ARHGAP29: variants seen among roughly 807,000 people sequenced by gnomAD.
The protein encoded by ARHGAP29 is rho GTPase-activating protein 29.
ARHGAP29 carries 43 observed loss-of-function variants against 122.6 expected under a neutral mutation model. That is an observed-to-expected ratio of 0.35 (90% CI 0.27 to 0.45). The LOEUF is 0.45. Among genes scored for constraint, ARHGAP29 ranks in the 20% least tolerant of loss-of-function variants. The pLI is 1.00. For synonymous variants in ARHGAP29, 506 were observed against 497.1 expected (o/e 1.02, Z -0.24); for missense variants, 1,303 against 1,477.2 (o/e 0.88, Z 1.93).
intron 1 of ARHGAP29, among the ~76,000 whole-genome samples, chr1:94,251,504 G>T (rs1654092660): frequency 6.6e-6 from 1 of 152,162 alleles, no homozygotes; most frequent in Non-Finnish European, 1.5e-5. Context: ...ATTTCTGCTG[G>T]ACTTCATGGA....
rs1648792973 is a variant in ARHGAP29 at position 94,172,431 on chromosome 1, AC to A, written c.*1437del. 1 of 152,090 alleles carries A rather than the reference AC, an allele frequency of 6.6e-6. No individual in the cohort carries two copies. The highest frequency in any genetic ancestry group is 1.5e-5 in the Non-Finnish European group (1 of 68,008). The allele number at this position is 152,090 out of a possible 1,614,324, so 9.4% of individuals were successfully genotyped here. A position where few individuals can be genotyped will look rare whatever the true frequency, so the allele number is the denominator to read the frequency against. On this transcript the variant is annotated 3_prime_UTR_variant, in exon 23 of 23. Transcript: ENST00000260526. ...AAAAGGGCTGGTTATTGCTCCCTAG[AC>A]CTTTACATCACATAGAACTATAAAA... is the stretch of plus-strand genomic sequence containing the variant.
chr1:94,297,473 T>C, the ARHGAP29 span, among the ~76,000 whole-genome samples: 1 of 152,250 alleles, frequency 6.6e-6, no homozygotes, highest in Non-Finnish European at 1.5e-5. Flanking sequence ...CATAATGTTA[T>C]CTGATTCTCA....
At chr1:94,221,375 A>G (rs1557871794) in intron 2 of ARHGAP29, among the ~76,000 whole-genome samples, 1 of 152,084 alleles carries the variant, frequency 6.6e-6, no homozygotes, top group Non-Finnish European at 1.5e-5. Flanking sequence ...ATAAGAGTTA[A>G]TATCTATTAA....
chr1:94,203,740 G>GA (rs1053732715), intron 8 of ARHGAP29, among the ~76,000 whole-genome samples, 190 bp downstream of exon 8: 7 of 149,216 alleles, frequency 4.7e-5, no homozygotes, highest in South Asian at 4.2e-4. Context: ...GTCTTAAGAC[G>GA]AAAAAAAAAG....
intron 12 of ARHGAP29, among the ~76,000 whole-genome samples, chr1:94,198,666 T>G (rs2101484214): frequency 6.6e-6 from 1 of 152,198 alleles, no homozygotes; most frequent in East Asian, 1.9e-4. Flanking sequence ...ATGCTGATTT[T>G]TTTTTCTTAA....
intron 2 of ARHGAP29, among the ~76,000 whole-genome samples, chr1:94,220,907 T>C (rs908351079): frequency 2.0e-5 from 3 of 152,168 alleles, no homozygotes; most frequent in African/African-American, 7.2e-5. Flanking sequence ...GAAGGATCAT[T>C]ACACATATTC....
intron 5 of ARHGAP29, among the ~76,000 whole-genome samples, chr1:94,207,838 T>G (rs142265971): frequency 1.4e-3 from 208 of 152,250 alleles, no homozygotes; most frequent in African/African-American, 4.3e-3. Flanking sequence ...TTTGATTTTT[T>G]TTTTTGTTTT....
chr1:94,206,866 C>G (rs1409257766), intron 5 of ARHGAP29, among the ~76,000 whole-genome samples: 1 of 142,110 alleles, frequency 7.0e-6, no homozygotes, highest in Admixed American at 7.2e-5. Flanking sequence ...ACTGCACCAG[C>G]CCAGGTGAAG....
At chr1:94,273,605 A>C (rs11165103) in intron 1 of ARHGAP29, among the ~76,000 whole-genome samples, 13,773 of 152,290 alleles carry the variant, frequency 0.09, 677 homozygotes, top group South Asian at 0.13. Context: ...ATAGACAATT[A>C]GGGGATAAAT....
chr1:94,207,550 CCA>C (rs4000632), intron 5 of ARHGAP29, among the ~76,000 whole-genome samples: 143,751 of 152,128 alleles, frequency 0.94, 68,488 homozygotes, highest in East Asian at 1. Flanking sequence ...CAGTGTCTTG[CCA>C]CACAGATAAA....
the ARHGAP29 span, among the ~76,000 whole-genome samples, chr1:94,294,985 C>T: frequency 6.6e-6 from 1 of 152,062 alleles, no homozygotes; most frequent in South Asian, 2.1e-4. Context: ...CAGAGTGAGA[C>T]TGAAAGATAT....
At chr1:94,217,859 AC>A (rs1419923492) in intron 3 of ARHGAP29, among the ~76,000 whole-genome samples, 37 of 7,562 alleles carry the variant, frequency 4.9e-3, no homozygotes, top group East Asian at 0.031. Context: ...TTAAAAAAAA[AC>A]AAAAAAAAAA....
At chr1:94,195,469 G>A (rs1193536452) in intron 12 of ARHGAP29, 4 of 152,090 alleles carry the variant, frequency 2.6e-5, no homozygotes, top group African/African-American at 9.7e-5. Context: ...ACACAGATGT[G>A]TGCAACCAAT....
chr1:94,243,131 T>C (rs895112761), intron 1 of ARHGAP29, among the ~76,000 whole-genome samples: 2 of 152,034 alleles, frequency 1.3e-5, no homozygotes, highest in South Asian at 2.1e-4. Context: ...CAGTAATTGA[T>C]AGAATAACAG....
At chr1:94,264,648 C>T (rs1025564036) in intron 1 of ARHGAP29, among the ~76,000 whole-genome samples, 2 of 152,078 alleles carry the variant, frequency 1.3e-5, no homozygotes, top group African/African-American at 4.8e-5. Context: ...GCCTTATTAC[C>T]TGGGGCTCAG....
At chr1:94,247,497 G>A (rs1570601045) in intron 1 of ARHGAP29, among the ~76,000 whole-genome samples, 1 of 151,430 alleles carries the variant, frequency 6.6e-6, no homozygotes, top group East Asian at 2.0e-4. Flanking sequence ...GCCGGCGCCC[G>A]CGCGGGCGAC....
At position 94,169,129 on chromosome 1, in the gene ARHGAP29, A is replaced by G. The variant is rs1648557461; in HGVS notation, c.*4740T>C. On this transcript the variant is annotated 3_prime_UTR_variant, in exon 23 of 23. Coordinates refer to ENST00000260526, the MANE Select transcript of ARHGAP29 (RefSeq NM_004815.4). ...CTATGTTTAAACATTCCTGGTAAATATGTATAATCGTACACTTTTAAACTT... is the reference window on the plus strand; with the variant it reads ...CTATGTTTAAACATTCCTGGTAAATGTGTATAATCGTACACTTTTAAACTT... 6.6e-6 allele frequency among the ~76,000 whole-genome samples: 1 copy of G among 152,260 alleles called. No individual in the cohort carries two copies. The highest frequency in any genetic ancestry group is 1.5e-5 in the Non-Finnish European group (1 of 68,048).
At chr1:94,212,899 C>G (rs1003147099) in intron 3 of ARHGAP29, among the ~76,000 whole-genome samples, 1 of 152,156 alleles carries the variant, frequency 6.6e-6, no homozygotes, top group Non-Finnish European at 1.5e-5. Context: ...AAACCCTATA[C>G]CAACTTTACT....
chr1:94,171,984 A>G lies in ARHGAP29; in HGVS notation c.*1885T>C, dbSNP rs1305812866. ...AAAAATGGTTCAAACAATATACTTA[A>G]AAATGGTAAATGTTATGTGTATTTT... On this transcript the variant is annotated 3_prime_UTR_variant, in exon 23 of 23. Coordinates refer to ENST00000260526, the MANE Select transcript of ARHGAP29 (RefSeq NM_004815.4). The G allele has an allele frequency of 6.6e-6, 1 of 152,230 alleles. No homozygotes were observed. The highest frequency in any genetic ancestry group is 1.5e-5 in the Non-Finnish European group (1 of 68,048). 9.4% of individuals were successfully genotyped at this position (152,230 alleles called of 1,614,324 possible). A position where few individuals can be genotyped will look rare whatever the true frequency, so the allele number is the denominator to read the frequency against.
Sources: gnomAD v4.1 joint callset for allele counts (sites outside exome capture counted in the v4.1 genomes callset) on GRCh38, gnomAD v4.1.1 for gene constraint, MANE v1.5 for transcripts, NCBI Gene and HGNC (gene_info 2026-07-23, HGNC 2026-07-21) for gene names.